The following ZNF638 variants were observed in gnomAD, a reference collection of about 807,000 sequenced individuals.
ZNF638 encodes the protein zinc finger protein 638.
ZNF638 carries 46 observed loss-of-function variants against 195.6 expected under a neutral mutation model. That is an observed-to-expected ratio of 0.24 (90% CI 0.19 to 0.30). The LOEUF (loss-of-function observed/expected upper bound fraction) is 0.30. Among genes scored for constraint, ZNF638 ranks in the 10% least tolerant of loss-of-function variants. The pLI, the probability that ZNF638 is intolerant of heterozygous loss-of-function variation, is 1.00. For missense variants in ZNF638, 2,440 were observed against 2,325.3 expected, an observed-to-expected ratio of 1.05 and a Z score of -1.01; for synonymous variants, 845 against 772.0, an observed-to-expected ratio of 1.09 and a Z score of -1.57.
rs2080707710 is a variant in ZNF638, at chr2:71,433,475, G to A, written c.5871+192G>A. 5 of 511,674 alleles carry A rather than the reference G, an allele frequency of 9.8e-6. No homozygotes were observed. The East Asian group carries it at 9.8e-5, about 10-fold the overall frequency. 31.7% of individuals were successfully genotyped at this position (511,674 alleles called of 1,614,324 possible). A position where few individuals can be genotyped will look rare whatever the true frequency, so the allele number is the denominator to read the frequency against. ...AGTCCTTATTCCTTTTCCTTGAACAGCAACATTTGCCAGAGTAGATTCTGC... is the reference window on the plus strand; with the variant it reads ...AGTCCTTATTCCTTTTCCTTGAACAACAACATTTGCCAGAGTAGATTCTGC... On this transcript the variant is annotated intron_variant, in intron 27 of 27. Transcript: ENST00000264447.
chr2:71,369,998 A>C lies in ZNF638; in HGVS notation c.2258A>C (p.Lys753Thr). Residue 753 changes from lysine (K) to threonine (T), a missense_variant, in exon 8 of 28, where the codon AAA becomes ACA. Coordinates refer to ENST00000264447, the MANE Select transcript of ZNF638 (RefSeq NM_014497.5). ...SVKICVPGKK[K>T]AQNKEVKKKT... ...AAAATATGTGTTCCAGGAAAGAAAA[A>C]AGCACAGGTAATCTGGATTTAGGTC... is the stretch of plus-strand genomic sequence containing the variant. 1 of 1,590,778 alleles carries C rather than the reference A, an allele frequency of 6.3e-7. No individual in the cohort carries two copies. Among genetic ancestry groups the C allele is most frequent in the Non-Finnish European group, 8.5e-7 (1 of 1,173,824 alleles).
In ZNF638 at chr2:71,394,610, A is replaced by T. The variant is rs367993526; in HGVS notation, c.2378-1531A>T. The stretch of plus-strand genomic sequence containing the variant: ...GGAGACAATCTGAGGCATTCCTACC[A>T]GTCAGTTTGATACACGATTGGCAAG... On this transcript the variant is annotated intron_variant, in intron 10 of 27. Transcript: ENST00000264447. Among the ~76,000 whole-genome samples the T allele has an allele frequency of 2.0e-4, 31 of 152,132 alleles. 1 individual carries two copies. The highest frequency in any genetic ancestry group is 7.5e-4 in the African/African-American group (31 of 41,546).
rs572599586 is a variant in ZNF638 at position 71,347,611 on chromosome 2, G to A, written c.-202-1142G>A. ...CAATCACACATAAAAGTGAGGTCCT[G>A]ATAGCACCAGCATAGTCTATATGCT... On this transcript the variant is annotated intron_variant, in intron 1 of 27. Transcript: ENST00000264447. Among the ~76,000 whole-genome samples the A allele has an allele frequency of 1.7e-4, 26 of 152,314 alleles. No homozygotes were observed. In the South Asian group the frequency reaches 5.2e-3, roughly 30 times the overall value.
intron 20 of ZNF638, among the ~76,000 whole-genome samples, chr2:71,409,539 G>A (rs1017445195): frequency 6.6e-6 from 1 of 152,138 alleles, no homozygotes; most frequent in African/African-American, 2.4e-5. Flanking sequence ...CAATATGTGT[G>A]TCCATAACCT....
chr2:71,361,334 A>G (rs1467433635), intron 3 of ZNF638, among the ~76,000 whole-genome samples: 5 of 152,198 alleles, frequency 3.3e-5, no homozygotes, highest in Non-Finnish European at 7.3e-5. Context: ...AATAACTTTG[A>G]TGTGTTGTTA....
intron 1 of ZNF638, among the ~76,000 whole-genome samples, chr2:71,339,910 C>T (rs930611773): frequency 6.6e-6 from 1 of 152,158 alleles, no homozygotes. Flanking sequence ...ACAATAAATA[C>T]AATGTTGTGC....
At chr2:71,375,090 A>T (rs1220186188) in intron 8 of ZNF638, 2 of 151,958 alleles carry the variant, frequency 1.3e-5, no homozygotes, top group Non-Finnish European at 2.9e-5. Flanking sequence ...TTTAGTTCTC[A>T]TATGTTTTCT....
rs969269503 is a variant in ZNF638 at position 71,423,336 on chromosome 2, A to G, written c.3822A>G (p.Ile1274Met). The G allele has an allele frequency of 1.1e-5, 18 of 1,613,794 alleles. No individual in the cohort carries two copies. The highest frequency in any genetic ancestry group is 1.4e-5 in the Non-Finnish European group (16 of 1,179,996). The change falls in exon 22 of 28, where the codon ATA (isoleucine) becomes ATG (methionine). Residue 1274 changes from isoleucine (I) to methionine (M), a missense_variant. By Grantham distance (10) the Ile-to-Met change is conservative. This residue lies in a region of ZNF638 where 1,883 missense variants were observed against 1,739.1 expected (regional missense o/e 1.08). Coordinates refer to ENST00000264447, the MANE Select transcript of ZNF638 (RefSeq NM_014497.5). ...AAAAAAATGAAACTGTTTCGGAAAT[A>G]TTGCCATCAACTTGTATTGTGACGT... ...EVEKNETVSE[I>M]LPSTCIVTLV...
chr2:71,399,520 C>A, intron 12 of ZNF638, 39 bp from the exon 13 acceptor site: 2 of 1,435,396 alleles, frequency 1.4e-6, no homozygotes, highest in Non-Finnish European at 1.9e-6. Flanking sequence ...AATGATTTAA[C>A]AAGACCTTTA....
intron 10 of ZNF638, chr2:71,393,696 A>G (rs1410695618): frequency 6.2e-5 from 43 of 698,432 alleles, no homozygotes; most frequent in Admixed American, 2.4e-4. Flanking sequence ...TTCCCCTGCA[A>G]CCCGTACCGG....
chr2:71,431,876 G>A (rs749264758), intron 26 of ZNF638, among the ~76,000 whole-genome samples: 1 of 152,170 alleles, frequency 6.6e-6, no homozygotes, highest in Non-Finnish European at 1.5e-5. Flanking sequence ...TTACACAGTG[G>A]CATTTTTGAA....
chr2:71,398,690 T>C lies in ZNF638; in HGVS notation c.2429-11T>C, dbSNP rs1240718970. On this transcript the variant is annotated splice_polypyrimidine_tract_variant and intron_variant, in intron 11 of 27. Coordinates refer to ENST00000264447, the MANE Select transcript of ZNF638 (RefSeq NM_014497.5). ...AGTAAACCAGTTTTGACTGCATCTT[T>C]TGTGATTTAGGGAAATCAGCAAGTT... is the stretch of plus-strand genomic sequence containing the variant. 1.2e-6 allele frequency: 2 copies of C among 1,612,562 alleles called. No homozygotes were observed. Among genetic ancestry groups the C allele is most frequent in the Non-Finnish European group, 1.7e-6 (2 of 1,178,932 alleles).
intron 16 of ZNF638, among the ~76,000 whole-genome samples, chr2:71,403,418 TAAC>T (rs1167784311): frequency 2.0e-5 from 3 of 152,264 alleles, no homozygotes; most frequent in South Asian, 2.1e-4. Context: ...CCTATGAAAA[TAAC>T]AAAATGAAAA....
At chr2:71,345,766 A>G (rs982173662) in intron 1 of ZNF638, among the ~76,000 whole-genome samples, 2 of 152,062 alleles carry the variant, frequency 1.3e-5, no homozygotes, top group African/African-American at 4.8e-5. Context: ...TTGGCCTCCC[A>G]AAGTGCTAGG....
chr2:71,360,477 C>G lies in ZNF638; in HGVS notation c.1380-2676C>G, dbSNP rs556743854. Among the ~76,000 whole-genome samples the G allele has an allele frequency of 5.8e-4, 89 of 152,212 alleles. 2 individuals are homozygous for G. The highest frequency in any genetic ancestry group is 3.5e-3 in the Admixed American group (53 of 15,284). On this transcript the variant is annotated intron_variant, in intron 3 of 27. Coordinates refer to ENST00000264447, the MANE Select transcript of ZNF638 (RefSeq NM_014497.5). Reference sequence around the variant, plus strand: ...GCCTTTTATAATTCTTCTTGTTTGCCCCATCCATACCCTCAATCCAGTATT... The same window carrying G: ...GCCTTTTATAATTCTTCTTGTTTGCGCCATCCATACCCTCAATCCAGTATT...
At position 71,424,735 on chromosome 2, in the gene ZNF638, C is replaced by A. The variant is rs369315673; in HGVS notation, c.4590+20C>A. The A allele has an allele frequency of 1.4e-5, 22 of 1,588,106 alleles. No individual in the cohort carries two copies. The South Asian group carries it at 2.4e-4, about 17-fold the overall frequency. ...AAAGAGGTAAAAAATAGATCACAGACCCTAACCCTTCTTTTTCATCTCCAT... is the reference window on the plus strand; with the variant it reads ...AAAGAGGTAAAAAATAGATCACAGAACCTAACCCTTCTTTTTCATCTCCAT... On this transcript the variant is annotated intron_variant, in intron 23 of 27. Coordinates refer to ENST00000264447, the MANE Select transcript of ZNF638 (RefSeq NM_014497.5).
chr2:71,426,933 A>G lies in ZNF638; in HGVS notation c.5064A>G (p.Glu1688=). Residue 1688 remains glutamate, a synonymous_variant, in exon 24 of 28, where the codon GAA becomes GAG. Transcript: ENST00000264447. ...TGGTAACTGTGGATGAAATTGGAGA[A>G]GTGGAAGAGCTACCTTTGAATGAGT... ...ERLVTVDEIG[E]VEELPLNESA... is the part of the protein sequence containing the mutation. 1 of 1,614,006 alleles carries G rather than the reference A, an allele frequency of 6.2e-7. No homozygotes were observed. Among genetic ancestry groups the G allele is most frequent in the South Asian group, 1.1e-5 (1 of 91,044 alleles).
chr2:71,333,406 A>C (rs1424191292), intron 1 of ZNF638, among the ~76,000 whole-genome samples: 1 of 152,222 alleles, frequency 6.6e-6, no homozygotes, highest in East Asian at 1.9e-4. Flanking sequence ...ACTAGTTTTC[A>C]TAATGTGTTT....
Position 71,423,502 on chromosome 2 carries a change from A to T in ZNF638, c.3988A>T (p.Lys1330Ter), listed in dbSNP as rs1558884080. The change falls in exon 22 of 28, where the codon AAG (lysine) becomes TAG (stop). Residue 1330 changes from lysine to a stop codon, truncating the protein, a stop_gained. Transcript: ENST00000264447. LOFTEE classifies it high-confidence loss of function. ...AATGGATCTTCAAATAGGAACAGAG[A>T]AGGCTGAAAAGAATGAAGGTAGGAT... ...TRMDLQIGTEKAEKNEGRMDA... is the reference protein window; with the variant it reads ...TRMDLQIGTE The T allele has an allele frequency of 6.2e-7, 1 of 1,614,042 alleles. No homozygotes were observed. Among genetic ancestry groups the T allele is most frequent in the Non-Finnish European group, 8.5e-7 (1 of 1,180,004 alleles).
Sources: allele counts gnomAD v4.1 joint callset (sites outside exome capture counted in the v4.1 genomes callset), GRCh38; gene constraint gnomAD v4.1.1; regional missense constraint gnomAD v4.1.1; transcripts MANE v1.5; gene names NCBI Gene and HGNC (gene_info 2026-07-23, HGNC 2026-07-21).